The following CTNND2 variants were observed in gnomAD, a reference collection of about 807,000 sequenced individuals.
The protein encoded by CTNND2 is catenin delta-2.
Under a neutral mutation model 144.4 loss-of-function variants are expected in CTNND2, and 22 were observed. That is an observed-to-expected ratio of 0.15 (90% CI 0.11 to 0.22). The LOEUF is 0.22. Among genes scored for constraint, CTNND2 ranks in the 10% least tolerant of loss-of-function variants. CTNND2 has a pLI of 1.00. For missense variants in CTNND2, 1,353 were observed against 1,618.8 expected, an observed-to-expected ratio of 0.84 and a Z score of 2.82; for synonymous variants, 751 against 695.6, an observed-to-expected ratio of 1.08 and a Z score of -1.25.
At chr5:11,831,005 T>C (rs1255263392) in intron 1 of CTNND2, among the ~76,000 whole-genome samples, 1 of 152,178 alleles carries the variant, frequency 6.6e-6, no homozygotes. Flanking sequence ...GTTTATTCTG[T>C]GAAAATTATA....
At chr5:11,241,586 A>T (rs537965631) in intron 9 of CTNND2, among the ~76,000 whole-genome samples, 1 of 152,278 alleles carries the variant, frequency 6.6e-6, no homozygotes, top group Admixed American at 6.5e-5. Flanking sequence ...TGTTCTCCTC[A>T]ATTTCACAAA....
intron 3 of CTNND2, among the ~76,000 whole-genome samples, chr5:11,433,940 A>G (rs1474089735): frequency 6.6e-6 from 1 of 152,208 alleles, no homozygotes; most frequent in Admixed American, 6.5e-5. Flanking sequence ...AAACATATAC[A>G]TACCCAATGT....
chr5:11,532,085 T>C (rs1773793150), intron 3 of CTNND2, among the ~76,000 whole-genome samples: 1 of 152,014 alleles, frequency 6.6e-6, no homozygotes, highest in Non-Finnish European at 1.5e-5. Flanking sequence ...CTCACATCTA[T>C]AACTGCCTGG....
intron 15 of CTNND2, among the ~76,000 whole-genome samples, chr5:11,088,332 C>A (rs1750399526): frequency 6.6e-6 from 1 of 152,316 alleles, no homozygotes; most frequent in South Asian, 2.1e-4. Context: ...AAACTGCTCA[C>A]ACTACTACCC....
intron 11 of CTNND2, among the ~76,000 whole-genome samples, chr5:11,198,219 T>C (rs897686354): frequency 3.6e-4 from 54 of 152,050 alleles, no homozygotes; most frequent in African/African-American, 2.7e-4. Context: ...TTTCCCTGAC[T>C]CATGTCTCCC....
rs749877746 is a variant in CTNND2 at position 10,981,776 on chromosome 5, G to A, written c.3414C>T (p.Asn1138=). 3 of 1,612,642 alleles carry A rather than the reference G, an allele frequency of 1.9e-6. No individual in the cohort carries two copies. Among genetic ancestry groups the A allele is most frequent in the African/African-American group, 2.7e-5 (2 of 74,994 alleles). ...AAACGTGTTGCATTTACTTTACCTGGTTGTGTTTGATGTCTTCAGCGGGCG... is the reference window on the plus strand; with the variant it reads ...AAACGTGTTGCATTTACTTTACCTGATTGTGTTTGATGTCTTCAGCGGGCG... The part of the protein sequence containing the change: ...YGAPAEDIKH[N]QVSAQPVPQE... Residue 1138 remains asparagine, a synonymous_variant, in exon 21 of 22, where the codon AAC becomes AAT. Coordinates refer to ENST00000304623, the MANE Select transcript of CTNND2 (RefSeq NM_001332.4).
intron 9 of CTNND2, among the ~76,000 whole-genome samples, chr5:11,313,480 C>A (rs1396447897): frequency 6.6e-6 from 1 of 152,180 alleles, no homozygotes; most frequent in Non-Finnish European, 1.5e-5. Context: ...CTGTGAGGTG[C>A]AGTGGAAGGG....
intron 3 of CTNND2, among the ~76,000 whole-genome samples, chr5:11,435,170 A>G (rs1447616560): frequency 6.6e-6 from 1 of 150,914 alleles, no homozygotes; most frequent in Non-Finnish European, 1.5e-5. Context: ...ACAGAGTCTC[A>G]CTCTGTCACC....
intron 10 of CTNND2, among the ~76,000 whole-genome samples, chr5:11,212,175 T>C (rs1738703960): frequency 6.6e-6 from 1 of 152,192 alleles, no homozygotes. Context: ...AGAAAATAAT[T>C]CCAGTTTTGT....
chr5:11,301,736 T>C (rs770725315), intron 9 of CTNND2, among the ~76,000 whole-genome samples: 4 of 152,214 alleles, frequency 2.6e-5, no homozygotes, highest in Non-Finnish European at 2.9e-5. Context: ...TCTTAAGACA[T>C]ACATTTTTAT....
At chr5:11,849,230 A>G (rs1372300417) in intron 1 of CTNND2, among the ~76,000 whole-genome samples, 3 of 152,094 alleles carry the variant, frequency 2.0e-5, no homozygotes, top group Admixed American at 6.5e-5. Context: ...AAACCATCAG[A>G]TCTCATGAGA....
intron 14 of CTNND2, among the ~76,000 whole-genome samples, chr5:11,098,949 G>A (rs909598162): frequency 1.3e-5 from 2 of 152,170 alleles, no homozygotes; most frequent in African/African-American, 2.4e-5. Flanking sequence ...GCTTGGGATC[G>A]AGGGTGGAGG....
chr5:11,454,546 A>G (rs539117665), intron 3 of CTNND2, among the ~76,000 whole-genome samples: 87 of 152,274 alleles, frequency 5.7e-4, no homozygotes, highest in Non-Finnish European at 1.0e-3. Context: ...GGTCTGCACT[A>G]TGCACTCACA....
At chr5:11,854,705 C>G (rs193284012) in intron 1 of CTNND2, among the ~76,000 whole-genome samples, 1 of 152,280 alleles carries the variant, frequency 6.6e-6, no homozygotes, top group Admixed American at 6.5e-5. Context: ...ATCGAACGTA[C>G]AGTAAAATCA....
intron 14 of CTNND2, among the ~76,000 whole-genome samples, chr5:11,105,847 A>G (rs1752370180): frequency 6.6e-6 from 1 of 152,218 alleles, no homozygotes; most frequent in Non-Finnish European, 1.5e-5. Context: ...ACAAGCTCCC[A>G]GCATATGGTG....
At chr5:11,533,816 G>A (rs1029423709) in intron 3 of CTNND2, among the ~76,000 whole-genome samples, 1 of 152,170 alleles carries the variant, frequency 6.6e-6, no homozygotes, top group East Asian at 1.9e-4. Context: ...CTGAGATTCC[G>A]CATGTCTAAC....
chr5:11,330,419 G>A (rs556411975), intron 9 of CTNND2, among the ~76,000 whole-genome samples: 5 of 132,820 alleles, frequency 3.8e-5, no homozygotes, highest in African/African-American at 1.4e-4. Flanking sequence ...GGGAGGTGGA[G>A]CTTGCAGTGA....
chr5:11,169,637 C>G (rs1303262610), intron 11 of CTNND2, among the ~76,000 whole-genome samples: 6 of 152,204 alleles, frequency 3.9e-5, no homozygotes, highest in Admixed American at 2.6e-4. Flanking sequence ...CATATATAAC[C>G]TCTTACAAAG....
chr5:11,776,785 A>T (rs1011918182), intron 1 of CTNND2, among the ~76,000 whole-genome samples: 4 of 152,182 alleles, frequency 2.6e-5, no homozygotes, highest in East Asian at 1.9e-4. Context: ...AAATTACTTT[A>T]AAAAAAGGCA....
Sources: gnomAD v4.1 joint callset for allele counts (sites outside exome capture counted in the v4.1 genomes callset) on GRCh38, gnomAD v4.1.1 for gene constraint, MANE v1.5 for transcripts, NCBI Gene and HGNC (gene_info 2026-07-23, HGNC 2026-07-21) for gene names.